The following TOX variants were observed in gnomAD, a reference collection of about 807,000 sequenced individuals.
The protein encoded by TOX is thymocyte selection-associated high mobility group box protein TOX.
In TOX, 11 loss-of-function variants were observed where a neutral mutation model predicts 53.7. The observed-to-expected ratio is 0.20, with a 90% confidence interval of 0.13 to 0.34. The LOEUF (loss-of-function observed/expected upper bound fraction) is 0.34. Among genes scored for constraint, TOX ranks in the 10% least tolerant of loss-of-function variants. TOX has a pLI of 1.00. For missense variants in TOX, 570 were observed against 664.6 expected, an observed-to-expected ratio of 0.86 and a Z score of 1.56; for synonymous variants, 225 against 245.3, an observed-to-expected ratio of 0.92 and a Z score of 0.77.
intron 3 of TOX, among the ~76,000 whole-genome samples, chr8:58,894,325 C>T (rs1258040130): frequency 2.0e-5 from 3 of 152,164 alleles, no homozygotes; most frequent in Admixed American, 1.3e-4. Flanking sequence ...GTTCTATTAT[C>T]CTCCACTTTG....
chr8:59,001,690 A>C (rs1813691108), intron 1 of TOX, among the ~76,000 whole-genome samples: 1 of 152,210 alleles, frequency 6.6e-6, no homozygotes, highest in African/African-American at 2.4e-5. Context: ...TAAAAATACT[A>C]TTATTTTGGG....
intron 1 of TOX, among the ~76,000 whole-genome samples, chr8:58,978,177 T>C (rs967067529): frequency 5.9e-5 from 9 of 151,970 alleles, no homozygotes; most frequent in Admixed American, 5.9e-4. Flanking sequence ...CAGGAAAGAG[T>C]GGAAAGCCCA....
intron 1 of TOX, among the ~76,000 whole-genome samples, chr8:59,044,426 C>A (rs1803649801): frequency 6.6e-6 from 1 of 152,150 alleles, no homozygotes; most frequent in South Asian, 2.1e-4. Context: ...TCCCACCTGT[C>A]CCTTGCTGAC....
At chr8:59,021,481 A>ATATATATATATATATATATAT (rs1554539852) in intron 1 of TOX, among the ~76,000 whole-genome samples, 26 of 64,712 alleles carry the variant, frequency 4.0e-4, no homozygotes, top group African/African-American at 1.3e-3. Context: ...AAAAAAAAAA[A>ATATATATATATATATATATAT]ATATATATAT....
chr8:58,866,372 A>G (rs1001644556), intron 3 of TOX, among the ~76,000 whole-genome samples: 9 of 152,234 alleles, frequency 5.9e-5, no homozygotes, highest in African/African-American at 2.2e-4. Flanking sequence ...TAGGATTTAC[A>G]TAATTACCAG....
chr8:59,082,930 C>G (rs1804435669), intron 1 of TOX, among the ~76,000 whole-genome samples: 2 of 152,176 alleles, frequency 1.3e-5, no homozygotes, highest in African/African-American at 4.8e-5. Context: ...TCTCCCTACC[C>G]CAACCCCTTC....
intron 2 of TOX, among the ~76,000 whole-genome samples, chr8:58,951,382 T>C (rs1812617510): frequency 1.3e-5 from 2 of 152,024 alleles, no homozygotes; most frequent in Non-Finnish European, 2.9e-5. Flanking sequence ...GGGAGGAGGG[T>C]ACTGACCTAA....
chr8:58,824,152 G>A (rs1195200944), intron 6 of TOX, among the ~76,000 whole-genome samples: 3 of 152,208 alleles, frequency 2.0e-5, no homozygotes, highest in Non-Finnish European at 4.4e-5. Flanking sequence ...CCCAGCAGAA[G>A]ACTGAGGGCA....
intron 3 of TOX, among the ~76,000 whole-genome samples, chr8:58,884,050 C>T (rs187711573): frequency 6.4e-4 from 97 of 152,160 alleles, no homozygotes; most frequent in African/African-American, 1.8e-3. Context: ...TTTCTATTTT[C>T]GTCAAACCAC....
In TOX at chr8:58,808,186, A is replaced by G. The variant is rs555652950; in HGVS notation, c.1476T>C (p.Tyr492=). The change falls in exon 8 of 9, where the codon TAT becomes TAC. Residue 492 remains tyrosine (Y), a synonymous_variant. Transcript: ENST00000361421. ...GAGGATTTCTGCACCCCGAACGCAC[A>G]TACTCCATTGCCTGGGTGACAACTT... is the stretch of plus-strand genomic sequence containing the variant. The part of the protein sequence containing the change: ...AAQVVTQAME[Y]VRSGCRNPPP... 1.9e-6 allele frequency: 3 copies of G among 1,614,178 alleles called. No homozygotes were observed. The highest frequency in any genetic ancestry group is 1.1e-5 in the South Asian group (1 of 91,088).
intron 3 of TOX, among the ~76,000 whole-genome samples, chr8:58,878,611 T>C (rs1463548173): frequency 6.6e-6 from 1 of 152,230 alleles, no homozygotes; most frequent in Admixed American, 6.5e-5. Flanking sequence ...TCATTTGTCT[T>C]TGATAAGAAT....
In TOX at chr8:59,071,933, C is replaced by CA. The variant is rs544011917; in HGVS notation, c.102+46952dup. ...TGTTTTCCCTTTGAGCAGAATGCTACACAATATTCTCATAATTTTATCAAT... is the reference window on the plus strand; with the variant it reads ...TGTTTTCCCTTTGAGCAGAATGCTACAACAATATTCTCATAATTTTATCAAT... On this transcript the variant is annotated intron_variant, in intron 1 of 8. Transcript: ENST00000361421. Among the ~76,000 whole-genome samples the CA allele has an allele frequency of 1.4e-4, 22 of 152,234 alleles. No homozygotes were observed. In the South Asian group the frequency reaches 4.6e-3, roughly 32 times the overall value.
At position 58,807,134 on chromosome 8, in the gene TOX, T is replaced by G. The variant is rs1255263322; in HGVS notation, c.*613A>C. On this transcript the variant is annotated 3_prime_UTR_variant, in exon 9 of 9. Transcript: ENST00000361421. ...AATTTGTTTTTAAATTAAAATCACTTGGGAATACTTTTTATTTTCAAATAT... is the reference window on the plus strand; with the variant it reads ...AATTTGTTTTTAAATTAAAATCACTGGGGAATACTTTTTATTTTCAAATAT... 6.6e-6 allele frequency: 1 copy of G among 152,658 alleles called. No homozygotes were observed. Among genetic ancestry groups the G allele is most frequent in the Non-Finnish European group, 1.5e-5 (1 of 68,036 alleles). The allele number at this position is 152,658 out of a possible 1,614,324, so 9.5% of individuals were successfully genotyped here.
At chr8:59,098,567 A>T (rs961213787) in intron 1 of TOX, among the ~76,000 whole-genome samples, 1 of 152,124 alleles carries the variant, frequency 6.6e-6, no homozygotes, top group African/African-American at 2.4e-5. Flanking sequence ...TCTCCACTTA[A>T]AATAGGGCCT....
At chr8:58,951,435 T>C (rs1011175395) in intron 2 of TOX, among the ~76,000 whole-genome samples, 3 of 152,050 alleles carry the variant, frequency 2.0e-5, no homozygotes, top group Admixed American at 6.6e-5. Flanking sequence ...AAATTTATCA[T>C]CATCTTTCAA....
At chr8:59,003,539 G>T (rs1813733854) in intron 1 of TOX, among the ~76,000 whole-genome samples, 1 of 152,136 alleles carries the variant, frequency 6.6e-6, no homozygotes, top group East Asian at 1.9e-4. Flanking sequence ...TTTTTCAACA[G>T]TGAAAGACGG....
intron 3 of TOX, among the ~76,000 whole-genome samples, chr8:58,869,236 A>AG (rs1191398933): frequency 3.3e-5 from 5 of 151,780 alleles, no homozygotes; most frequent in Non-Finnish European, 1.5e-5. Flanking sequence ...AAAAAAAAAA[A>AG]AAAAAAAGCG....
In TOX at chr8:58,852,995, A is replaced by G. The variant is rs540928134; in HGVS notation, c.412-1190T>C. On this transcript the variant is annotated intron_variant, in intron 3 of 8. Coordinates refer to ENST00000361421, the MANE Select transcript of TOX (RefSeq NM_014729.3). ...ATAGGTTCTTGTTTTTGTTTTTATG[A>G]TAGTAAAATCATTTTACACCATTTT... is the stretch of plus-strand genomic sequence containing the variant. Among the ~76,000 whole-genome samples, 4 of 152,290 alleles carry G rather than the reference A, an allele frequency of 2.6e-5. No individual in the cohort carries two copies. The East Asian group carries it at 7.7e-4, about 29-fold the overall frequency.
intron 1 of TOX, among the ~76,000 whole-genome samples, chr8:58,988,669 G>A (rs1172028399): frequency 6.6e-6 from 1 of 152,202 alleles, no homozygotes; most frequent in Non-Finnish European, 1.5e-5. Flanking sequence ...TGGAAAGTCT[G>A]AGAAAATAAC....
Sources: gnomAD v4.1 joint callset for allele counts (sites outside exome capture counted in the v4.1 genomes callset) on GRCh38, gnomAD v4.1.1 for gene constraint, MANE v1.5 for transcripts, NCBI Gene and HGNC (gene_info 2026-07-23, HGNC 2026-07-21) for gene names.